HEATR5B: variants seen among roughly 807,000 people sequenced by gnomAD.
HEATR5B encodes HEAT repeat containing 5B.
In HEATR5B, 156 loss-of-function variants were observed where a neutral mutation model predicts 224.1. The ratio of observed to expected loss-of-function variants is 0.70; its 90% confidence interval spans 0.61 to 0.80. The LOEUF is 0.80. Ranked by LOEUF, HEATR5B falls within the 30% of genes least tolerant of loss-of-function variation. HEATR5B has a pLI of 0.00. For synonymous variants in HEATR5B, 1,027 were observed against 893.0 expected (o/e 1.15, Z -2.68); for missense variants, 2,323 against 2,535.5 (o/e 0.92, Z 1.80).
chr2:37,056,401 T>C (rs747719733), intron 16 of HEATR5B, 39 bp downstream of exon 16: 2 of 1,443,726 alleles, frequency 1.4e-6, no homozygotes, highest in African/African-American at 2.9e-5. Flanking sequence ...TAACATAATA[T>C]ATATTTAACA....
chr2:37,065,257 C>T (rs2148572421), intron 9 of HEATR5B, among the ~76,000 whole-genome samples: 1 of 152,082 alleles, frequency 6.6e-6, no homozygotes, highest in South Asian at 2.1e-4. Flanking sequence ...AAAACTACCA[C>T]AATTGCTTTT....
intron 33 of HEATR5B, among the ~76,000 whole-genome samples, chr2:36,996,986 T>C (rs1212190612): frequency 2.7e-5 from 4 of 150,852 alleles, no homozygotes; most frequent in African/African-American, 9.8e-5. Flanking sequence ...ACCTCCTAAG[T>C]GCTGGGATTC....
rs780514648 is a variant in HEATR5B, at chr2:37,055,147, T to C, written c.2399+1293A>G. The C allele has an allele frequency of 6.5e-5, 25 of 384,278 alleles. 1 individual carries two copies. The highest frequency in any genetic ancestry group is 4.3e-4 in the South Asian group (21 of 48,466). 23.8% of individuals were successfully genotyped at this position (384,278 alleles called of 1,614,324 possible). The stretch of plus-strand genomic sequence containing the variant: ...ACAGCCTGCTGGTTGAAAACCAAAG[T>C]AGGATCACTTCTTGCTTTTTACCTT... On this transcript the variant is annotated intron_variant, in intron 16 of 35. Coordinates refer to ENST00000233099, the MANE Select transcript of HEATR5B (RefSeq NM_019024.3).
At chr2:37,061,385 A>G (rs183660455) in intron 11 of HEATR5B, among the ~76,000 whole-genome samples, 121 of 152,336 alleles carry the variant, frequency 7.9e-4, no homozygotes, top group Middle Eastern at 6.8e-3. Context: ...GATCTGTGTC[A>G]TAACTTTGTA....
chr2:37,019,829 T>C lies in HEATR5B; in HGVS notation c.4084A>G (p.Ile1362Val). The C allele has an allele frequency of 5.0e-6, 8 of 1,609,788 alleles. No homozygotes were observed. The highest frequency in any genetic ancestry group is 5.9e-6 in the Non-Finnish European group (7 of 1,177,274). The change falls in exon 26 of 36, where the codon ATA becomes GTA. Residue 1362 changes from isoleucine (I) to valine (V), a missense_variant. Ile to Val is a conservative substitution (Grantham distance 29, BLOSUM62 3). Coordinates refer to ENST00000233099, the MANE Select transcript of HEATR5B (RefSeq NM_019024.3). The part of the protein sequence containing the change: ...PAFSQDTPSD[I>V]IAKACQVCST... ...CTTACCTGGCAAGCTTTCGCTATTA[T>C]ATCTGATGGTGTATCTTGTGAAAAG... is the stretch of plus-strand genomic sequence containing the variant.
chr2:37,071,777 C>T (rs1442327959), intron 6 of HEATR5B, among the ~76,000 whole-genome samples: 1 of 151,778 alleles, frequency 6.6e-6, no homozygotes, highest in Non-Finnish European at 1.5e-5. Flanking sequence ...CTCTGCTGCC[C>T]GGGTTCATGC....
At chr2:37,050,057 A>G (rs748439800) in intron 17 of HEATR5B, among the ~76,000 whole-genome samples, 18 of 151,832 alleles carry the variant, frequency 1.2e-4, no homozygotes, top group Admixed American at 3.9e-4. Flanking sequence ...TGCTGGGCTA[A>G]TTTTTAAAAA....
chr2:37,082,632 T>G (rs1291029854), intron 2 of HEATR5B, among the ~76,000 whole-genome samples: 1 of 152,230 alleles, frequency 6.6e-6, no homozygotes, highest in Non-Finnish European at 1.5e-5. Context: ...TGCACAGAAC[T>G]AGCCAGACCC....
chr2:37,065,643 TG>T (rs1223055005), intron 9 of HEATR5B, 111 bp downstream of exon 9: 5 of 903,292 alleles, frequency 5.5e-6, no homozygotes, highest in Non-Finnish European at 6.8e-6. Flanking sequence ...TAAAACCTGA[TG>T]ATCTGAAGTG....
At chr2:37,052,192 A>T (rs1015084820) in intron 17 of HEATR5B, among the ~76,000 whole-genome samples, 5 of 150,710 alleles carry the variant, frequency 3.3e-5, no homozygotes, top group South Asian at 4.1e-4. Context: ...ATAATATAAA[A>T]AGTATTCAAA....
chr2:37,048,874 T>C (rs1670362615), intron 18 of HEATR5B, among the ~76,000 whole-genome samples: 1 of 152,134 alleles, frequency 6.6e-6, no homozygotes, highest in Non-Finnish European at 1.5e-5. Flanking sequence ...ATTCAGAAAA[T>C]ACATTTTCTT....
At chr2:36,982,375 A>G (rs1373836744) in intron 35 of HEATR5B, among the ~76,000 whole-genome samples, 2 of 152,182 alleles carry the variant, frequency 1.3e-5, no homozygotes, top group Non-Finnish European at 2.9e-5. Context: ...TTAAAAAAGT[A>G]TTTATTTGGA....
At chr2:36,987,229 G>A (rs1253706880) in intron 35 of HEATR5B, among the ~76,000 whole-genome samples, 2 of 152,058 alleles carry the variant, frequency 1.3e-5, no homozygotes, top group Admixed American at 6.5e-5. Context: ...AGGAGTTCAA[G>A]ACCAACTTGG....
intron 5 of HEATR5B, among the ~76,000 whole-genome samples, chr2:37,073,164 C>G (rs979200555): frequency 2.0e-5 from 3 of 152,164 alleles, no homozygotes; most frequent in Admixed American, 6.5e-5. Context: ...ACTACATACC[C>G]ATATCCCTCA....
At chr2:37,082,136 C>A (rs2148616901) in intron 2 of HEATR5B, among the ~76,000 whole-genome samples, 1 of 123,692 alleles carries the variant, frequency 8.1e-6, no homozygotes, top group African/African-American at 3.1e-5. Context: ...TTAGTGCGAT[C>A]TCGGCTCCTT....
At position 36,991,495 on chromosome 2, in the gene HEATR5B, C is replaced by CA. The variant is rs56351937; in HGVS notation, c.5546-697dup. ...GGGCAACAAAAGCGAAACTCTGTCT[C>CA]AAAAAAAAAAAAAAAAAAACTTGGA... On this transcript the variant is annotated intron_variant, in intron 33 of 35. Coordinates refer to ENST00000233099, the MANE Select transcript of HEATR5B (RefSeq NM_019024.3). Among the ~76,000 whole-genome samples the CA allele has an allele frequency of 8.5e-3, 861 of 101,164 alleles. 1 individual carries two copies. The highest frequency in any genetic ancestry group is 0.011 in the African/African-American group (339 of 29,650). 66.4% of individuals were successfully genotyped at this position (101,164 alleles called of 152,430 possible).
chr2:37,060,523 T>C, intron 12 of HEATR5B, 58 bp downstream of exon 12: 1 of 1,393,144 alleles, frequency 7.2e-7, no homozygotes, highest in Non-Finnish European at 9.6e-7. Flanking sequence ...TTTCTTTTAC[T>C]TTACAAATAT....
rs868393112 is a variant in HEATR5B at position 37,051,378 on chromosome 2, A to G, written c.2506-1535T>C. 1.5e-4 allele frequency among the ~76,000 whole-genome samples: 21 copies of G among 141,498 alleles called. No homozygotes were observed. In the South Asian group the frequency reaches 4.3e-3, roughly 29 times the overall value. The allele number at this position is 141,498 out of a possible 152,430, so 92.8% of individuals were successfully genotyped here. A position where few individuals can be genotyped will look rare whatever the true frequency, so the allele number is the denominator to read the frequency against. ...TCAAAAAAAAAAAAAAAAAAAAAAA[A>G]GGTAAAAATAGTAATTAGTAACTGA... On this transcript the variant is annotated intron_variant, in intron 17 of 35. Coordinates refer to ENST00000233099, the MANE Select transcript of HEATR5B (RefSeq NM_019024.3).
intron 14 of HEATR5B, 124 bp from the exon 15 acceptor site, chr2:37,057,604 T>TA (rs11317436): frequency 4.3e-5 from 25 of 574,814 alleles, no homozygotes; most frequent in South Asian, 3.1e-4. Flanking sequence ...TTCTCTTCTT[T>TA]AAAAAAAATC....
Sources: gnomAD v4.1 joint callset for allele counts (sites outside exome capture counted in the v4.1 genomes callset) on GRCh38, gnomAD v4.1.1 for gene constraint, MANE v1.5 for transcripts, NCBI Gene and HGNC (gene_info 2026-07-23, HGNC 2026-07-21) for gene names.